Variants in KCNQ3 observed in about 807,000 individuals in gnomAD.
KCNQ3 encodes potassium voltage-gated channel subfamily KQT member 3.
KCNQ3 carries 30 observed loss-of-function variants against 92.5 expected under a neutral mutation model. That is an observed-to-expected ratio of 0.32 (90% confidence interval 0.24 to 0.44). The LOEUF is 0.44. Among genes scored for constraint, KCNQ3 ranks in the 20% least tolerant of loss-of-function variants. The pLI, the probability that KCNQ3 is intolerant of heterozygous loss-of-function variation, is 1.00. For synonymous variants in KCNQ3, 450 were observed against 468.8 expected (o/e 0.96, Z 0.52); for missense variants, 913 against 1,140.3 (o/e 0.80, Z 2.87).
chr8:132,213,583 C>G (rs1441204049), intron 1 of KCNQ3, among the ~76,000 whole-genome samples: 1 of 152,214 alleles, frequency 6.6e-6, no homozygotes, highest in East Asian at 1.9e-4. Context: ...GCATGTCACC[C>G]CTCTCATGCT....
At chr8:132,386,762 A>G (rs1348326444) in intron 1 of KCNQ3, among the ~76,000 whole-genome samples, 1 of 152,024 alleles carries the variant, frequency 6.6e-6, no homozygotes, top group African/African-American at 2.4e-5. Flanking sequence ...TAATGTGATG[A>G]CTCCTACTAG....
At chr8:132,402,274 C>A (rs1298896465) in intron 1 of KCNQ3, among the ~76,000 whole-genome samples, 1 of 152,148 alleles carries the variant, frequency 6.6e-6, no homozygotes, top group Non-Finnish European at 1.5e-5. Context: ...AGCTTGAGAA[C>A]TGGCCCCCAC....
chr8:132,154,192 AGTT>A (rs1262483384), intron 9 of KCNQ3, among the ~76,000 whole-genome samples: 4 of 104,472 alleles, frequency 3.8e-5, no homozygotes, highest in African/African-American at 9.9e-5. Context: ...AAAGGGTAAA[AGTT>A]TTTTTTTTTT....
chr8:132,365,364 C>A (rs1360610244), intron 1 of KCNQ3, among the ~76,000 whole-genome samples: 1 of 152,170 alleles, frequency 6.6e-6, no homozygotes, highest in Non-Finnish European at 1.5e-5. Flanking sequence ...TTACAATAAA[C>A]CCAGGCATTT....
chr8:132,429,140 C>T lies in KCNQ3; in HGVS notation c.386+51007G>A, dbSNP rs118163770. ...GCATTCATGTTTTGATCCTCATAAG[C>T]ACAGTGCCAGGCAGGTTGCAGGCAC... On this transcript the variant is annotated intron_variant, in intron 1 of 14. Coordinates refer to ENST00000388996, the MANE Select transcript of KCNQ3 (RefSeq NM_004519.4). 7.4e-3 allele frequency among the ~76,000 whole-genome samples: 1,124 copies of T among 152,350 alleles called. 5 individuals carry two copies. Among genetic ancestry groups the T allele is most frequent in the Non-Finnish European group, 0.011 (762 of 68,036 alleles).
At chr8:132,136,556 A>C (rs1485089270) in intron 12 of KCNQ3, among the ~76,000 whole-genome samples, 2 of 152,324 alleles carry the variant, frequency 1.3e-5, no homozygotes, top group African/African-American at 4.8e-5. Context: ...AGGCCCTGAT[A>C]TGGGAAAGTG....
intron 1 of KCNQ3, among the ~76,000 whole-genome samples, chr8:132,225,515 A>T (rs1436306934): frequency 6.6e-6 from 1 of 152,224 alleles, no homozygotes; most frequent in Non-Finnish European, 1.5e-5. Flanking sequence ...AACTGGGACA[A>T]TATGAAAGAT....
At chr8:132,287,460 T>G (rs1816708744) in intron 1 of KCNQ3, among the ~76,000 whole-genome samples, 2 of 152,232 alleles carry the variant, frequency 1.3e-5, no homozygotes, top group Admixed American at 1.3e-4. Flanking sequence ...AAACAAAGTT[T>G]GTACACAAAT....
intron 1 of KCNQ3, among the ~76,000 whole-genome samples, chr8:132,223,734 T>C (rs1814312856): frequency 6.6e-6 from 1 of 152,134 alleles, no homozygotes; most frequent in Non-Finnish European, 1.5e-5. Flanking sequence ...TTTTATAAAC[T>C]CTGGGAGGTT....
rs772111090 is a variant in KCNQ3 at position 132,170,335 on chromosome 8, T to C, written c.1234A>G (p.Arg412Gly). The C allele has an allele frequency of 2.5e-6, 4 of 1,612,088 alleles. No homozygotes were observed. Among genetic ancestry groups the C allele is most frequent in the Non-Finnish European group, 3.4e-6 (4 of 1,178,560 alleles). Residue 412 changes from arginine (R) to glycine (G), a missense_variant and splice_region_variant, in exon 8 of 15, where the codon AGG becomes GGG. This residue lies in a region of KCNQ3 where 182 missense variants were observed against 234.5 expected (regional missense o/e 0.78). Transcript: ENST00000388996. ...YESVVSFPFF[R>G]KEQLEAASSQ... ...GCATTCAGGTGAGTCCCCACTTGCC[T>C]GAAGAAAGGAAAAGAGACGACTGAT...
At chr8:132,453,428 G>T (rs937237888) in intron 1 of KCNQ3, among the ~76,000 whole-genome samples, 8 of 152,208 alleles carry the variant, frequency 5.3e-5, no homozygotes, top group African/African-American at 2.4e-5. Flanking sequence ...GAGAGGTCGG[G>T]CTGCCTGGAA....
At position 132,184,308 on chromosome 8, in the gene KCNQ3, T is replaced by A. The variant is rs1303764833; in HGVS notation, c.537A>T (p.Gly179=). Residue 179 remains glycine (G), a synonymous_variant, in exon 3 of 15, where the codon GGA becomes GGT. Coordinates refer to ENST00000388996, the MANE Select transcript of KCNQ3 (RefSeq NM_004519.4). ...AEFALRIWAA[G]CCCRYKGWRG... ...GCCAGCCTTTGTATCGGCAGCAACA[T>A]CCAGCAGCCCAGATCCTCAAAGCAA... The A allele has an allele frequency of 6.2e-7, 1 of 1,614,054 alleles. No homozygotes were observed.
chr8:132,212,249 TC>T (rs1435850852), intron 1 of KCNQ3, among the ~76,000 whole-genome samples: 1 of 151,968 alleles, frequency 6.6e-6, no homozygotes, highest in South Asian at 2.1e-4. Flanking sequence ...TTCCTGCAAT[TC>T]CTATGGCTTC....
chr8:132,252,347 G>A (rs1412358086), intron 1 of KCNQ3, among the ~76,000 whole-genome samples: 4 of 152,082 alleles, frequency 2.6e-5, no homozygotes, highest in African/African-American at 9.7e-5. Context: ...CAGGAGTGAA[G>A]CCGCAGACCT....
chr8:132,454,534 T>C (rs947464572), intron 1 of KCNQ3, among the ~76,000 whole-genome samples: 2 of 152,098 alleles, frequency 1.3e-5, no homozygotes, highest in African/African-American at 4.8e-5. Context: ...AACGAGTACC[T>C]CCGTTTTACA....
rs1383350158 is a variant in KCNQ3, at chr8:132,142,136, T to A, written c.1263-805A>T. 2.6e-5 allele frequency among the ~76,000 whole-genome samples: 4 copies of A among 152,354 alleles called. No homozygotes were observed. In the East Asian group the frequency reaches 7.7e-4, roughly 29 times the overall value. On this transcript the variant is annotated intron_variant, in intron 9 of 14. Coordinates refer to ENST00000388996, the MANE Select transcript of KCNQ3 (RefSeq NM_004519.4). ...AAAGACTTTGATAATGCTGTTTCCA[T>A]ATAATCAGCTTCTTTTGTATATTGT...
rs140149050 is a variant in KCNQ3 at position 132,234,040 on chromosome 8, G to A, written c.387-47859C>T. 4.0e-3 allele frequency among the ~76,000 whole-genome samples: 609 copies of A among 152,294 alleles called. 6 individuals carry two copies. The highest frequency in any genetic ancestry group is 0.014 in the African/African-American group (578 of 41,558). ...TAATAATTATGCTGGGGCAGTAGGCGTAAACTAGAACATACCAGGACAAAC... is the reference window on the plus strand; with the variant it reads ...TAATAATTATGCTGGGGCAGTAGGCATAAACTAGAACATACCAGGACAAAC... On this transcript the variant is annotated intron_variant, in intron 1 of 14. Transcript: ENST00000388996.
chr8:132,196,633 G>A (rs1393531054), intron 1 of KCNQ3, among the ~76,000 whole-genome samples: 1 of 152,232 alleles, frequency 6.6e-6, no homozygotes, highest in Non-Finnish European at 1.5e-5. Flanking sequence ...TTTACTCACT[G>A]TAGGAGCTTG....
intron 1 of KCNQ3, among the ~76,000 whole-genome samples, chr8:132,191,969 T>C (rs1490182649): frequency 6.6e-6 from 1 of 152,188 alleles, no homozygotes; most frequent in Non-Finnish European, 1.5e-5. Context: ...AAGAAGCTAC[T>C]TGCGGACCTG....
Sources: gnomAD v4.1 joint callset for allele counts (sites outside exome capture counted in the v4.1 genomes callset) on GRCh38, gnomAD v4.1.1 for gene constraint, gnomAD v4.1.1 regional missense constraint, MANE v1.5 for transcripts, NCBI Gene and HGNC (gene_info 2026-07-23, HGNC 2026-07-21) for gene names.